Variants in ACACA observed in about 807,000 individuals in gnomAD.
ACACA encodes acetyl-CoA carboxylase alpha, also known as acetyl-CoA carboxylase 1.
Under a neutral mutation model 296.1 loss-of-function variants are expected in ACACA, and 103 were observed. That is an observed-to-expected ratio of 0.35 (90% confidence interval 0.30 to 0.41). ACACA has a LOEUF of 0.41. Ranked by LOEUF, ACACA falls within the 10% of genes least tolerant of loss-of-function variation. The probability of loss-of-function intolerance (pLI) is 1.00; values close to 1 mark genes in which losing one functional copy is unlikely to be tolerated. For synonymous variants in ACACA, 953 were observed against 1,038.6 expected (o/e 0.92, Z 1.58); for missense variants, 1,554 against 2,989.7 (o/e 0.52, Z 11.20).
rs2081063871 is a variant in ACACA, at chr17:37,253,026, C to T, written c.1837G>A (p.Val613Met). Reference sequence around the variant, plus strand: ...CGAATAGACAGCTCCTTCAAAGCCACCACCATGTTTCTGGGAGAACAGAAG... The same window carrying T: ...CGAATAGACAGCTCCTTCAAAGCCATCACCATGTTTCTGGGAGAACAGAAG... The part of the protein sequence containing the change: ...NREEAISNMV[V>M]ALKELSIRGD... The change falls in exon 15 of 56, where the codon GTG becomes ATG. Residue 613 changes from valine to methionine, a missense_variant. Physicochemically the swap from Val to Met is conservative, Grantham distance 21. Transcript: ENST00000616317. The T allele has an allele frequency of 1.2e-6, 2 of 1,614,106 alleles. No individual in the cohort carries two copies. Among genetic ancestry groups the T allele is most frequent in the Non-Finnish European group, 1.7e-6 (2 of 1,180,046 alleles).
At chr17:37,242,642 G>A (rs1269632995) in intron 22 of ACACA, among the ~76,000 whole-genome samples, 2 of 152,160 alleles carry the variant, frequency 1.3e-5, no homozygotes, top group South Asian at 2.1e-4. Context: ...GAGGTGGGAT[G>A]AGCCATTGGG....
intron 35 of ACACA, among the ~76,000 whole-genome samples, chr17:37,194,538 A>C (rs1199952606): frequency 3.9e-5 from 6 of 152,208 alleles, no homozygotes; most frequent in Non-Finnish European, 8.8e-5. Flanking sequence ...TCAAGGGCAG[A>C]GTATTACCTT....
intron 51 of ACACA, among the ~76,000 whole-genome samples, chr17:37,112,085 C>A (rs200075028): frequency 1.0e-3 from 126 of 125,696 alleles, no homozygotes; most frequent in African/African-American, 4.8e-3. Context: ...TATCTATCTA[C>A]CTCACCTATA....
At chr17:37,267,376 G>A (rs1248557957) in intron 10 of ACACA, among the ~76,000 whole-genome samples, 2 of 152,164 alleles carry the variant, frequency 1.3e-5, no homozygotes, top group Non-Finnish European at 2.9e-5. Flanking sequence ...CTGCTCATGT[G>A]ACCTCTCCTT....
At chr17:37,245,516 T>C (rs139200251) in intron 19 of ACACA, among the ~76,000 whole-genome samples, 7 of 152,222 alleles carry the variant, frequency 4.6e-5, no homozygotes, top group Non-Finnish European at 7.3e-5. Flanking sequence ...CAATTTAATA[T>C]CCTCATACCA....
Position 37,210,560 on chromosome 17 carries a change from A to C in ACACA, c.3684-70T>G. On this transcript the variant is annotated intron_variant, in intron 29 of 55. Transcript: ENST00000616317. ...GCCATAATAAAAGAATTGTCAGAGC[A>C]GATATAGACCAGTCATGAGGAGCTC... 7 of 1,455,036 alleles carry C rather than the reference A, an allele frequency of 4.8e-6. No homozygotes were observed. In the South Asian group the frequency reaches 8.0e-5, roughly 17 times the overall value. The allele number at this position is 1,455,036 out of a possible 1,614,324, so 90.1% of individuals were successfully genotyped here.
chr17:37,352,476 C>T (rs1044996062), intron 1 of ACACA, among the ~76,000 whole-genome samples: 1 of 151,886 alleles, frequency 6.6e-6, no homozygotes, highest in Non-Finnish European at 1.5e-5. Flanking sequence ...ACTTTGGGAG[C>T]CCGAGGCAGG....
At chr17:37,193,234 C>CACAT in intron 36 of ACACA, 140 bp downstream of exon 36, 1 of 674,584 alleles carries the variant, frequency 1.5e-6, no homozygotes, top group Non-Finnish European at 2.6e-6. Flanking sequence ...AGTTCTAAGA[C>CACAT]ACATGTAAGG....
chr17:37,354,591 T>C (rs528405427), intron 1 of ACACA, among the ~76,000 whole-genome samples: 3 of 152,266 alleles, frequency 2.0e-5, no homozygotes, highest in Non-Finnish European at 4.4e-5. Flanking sequence ...AATAGTCCAT[T>C]AGATTCAAGC....
At chr17:37,383,299 G>A (rs997107586) in intron 1 of ACACA, among the ~76,000 whole-genome samples, 9 of 152,058 alleles carry the variant, frequency 5.9e-5, no homozygotes, top group Admixed American at 2.0e-4. Flanking sequence ...GGGGTTAAGG[G>A]GGAGGAGAGA....
intron 1 of ACACA, chr17:37,379,421 T>C: frequency 1.3e-6 from 2 of 1,593,138 alleles, no homozygotes; most frequent in Non-Finnish European, 1.7e-6. Context: ...GCACTAACTT[T>C]TAGTTGACAT....
chr17:37,336,365 G>A (rs898228079), intron 2 of ACACA, among the ~76,000 whole-genome samples: 3 of 152,136 alleles, frequency 2.0e-5, no homozygotes, highest in Non-Finnish European at 2.9e-5. Context: ...CTGAGAGACA[G>A]GAATAACTAG....
intron 1 of ACACA, among the ~76,000 whole-genome samples, chr17:37,373,059 T>G (rs1050366075): frequency 1.3e-5 from 2 of 152,020 alleles, no homozygotes; most frequent in Non-Finnish European, 2.9e-5. Flanking sequence ...TTTTGTATTT[T>G]TGGTGGAGAT....
intron 1 of ACACA, among the ~76,000 whole-genome samples, chr17:37,349,531 G>GCA (rs1327285427): frequency 1.5e-3 from 216 of 146,564 alleles, no homozygotes; most frequent in Middle Eastern, 7.1e-3. Flanking sequence ...GTGTGTGTGT[G>GCA]CGCGCGTGTG....
At chr17:37,163,627 C>G (rs2076553577) in intron 41 of ACACA, among the ~76,000 whole-genome samples, 1 of 152,196 alleles carries the variant, frequency 6.6e-6, no homozygotes, top group African/African-American at 2.4e-5. Flanking sequence ...AACAGAAACA[C>G]TCTTTACTGA....
intron 52 of ACACA, among the ~76,000 whole-genome samples, chr17:37,108,839 C>A (rs953228631): frequency 6.6e-6 from 1 of 152,132 alleles, no homozygotes; most frequent in Non-Finnish European, 1.5e-5. Flanking sequence ...ATCAGATTTT[C>A]TCTGTGGAAA....
chr17:37,217,744 A>AC (rs1202552215), intron 29 of ACACA, among the ~76,000 whole-genome samples: 14 of 139,156 alleles, frequency 1.0e-4, no homozygotes, highest in African/African-American at 4.0e-4. Flanking sequence ...CAAAAAAAAA[A>AC]AAAAAAAAAA....
At chr17:37,145,502 G>A (rs1189094545) in intron 45 of ACACA, among the ~76,000 whole-genome samples, 1 of 152,110 alleles carries the variant, frequency 6.6e-6, no homozygotes, top group Non-Finnish European at 1.5e-5. Flanking sequence ...TCATTCTCAC[G>A]ACATTTGGAC....
chr17:37,119,892 TTTC>T (rs1006122169), intron 50 of ACACA, among the ~76,000 whole-genome samples: 72 of 130,558 alleles, frequency 5.5e-4, no homozygotes, highest in African/African-American at 2.3e-3. Context: ...TTTTTCTTTC[TTTC>T]TTTTTTTTTT....
Sources: gnomAD v4.1 joint callset for allele counts (sites outside exome capture counted in the v4.1 genomes callset) on GRCh38, gnomAD v4.1.1 for gene constraint, MANE v1.5 for transcripts, NCBI Gene and HGNC (gene_info 2026-07-23, HGNC 2026-07-21) for gene names.